RNF24: variants seen among roughly 807,000 people sequenced by gnomAD.
RNF24 encodes the protein ring finger protein 24.
RNF24 carries 14 observed loss-of-function variants against 20.0 expected under a neutral mutation model. That is an observed-to-expected ratio of 0.70 (90% CI 0.46 to 1.10). The LOEUF is 1.10. Ranked by LOEUF, RNF24 falls within the 50% of genes least tolerant of loss-of-function variation. RNF24 has a pLI of 0.00. For synonymous variants in RNF24, 45 were observed against 61.1 expected, an observed-to-expected ratio of 0.74 and a Z score of 1.23; for missense variants, 124 against 177.6, an observed-to-expected ratio of 0.70 and a Z score of 1.71.
intron 1 of RNF24, among the ~76,000 whole-genome samples, chr20:3,968,768 C>A (rs6116132): frequency 0.01 from 1,546 of 152,174 alleles, 17 homozygotes; most frequent in African/African-American, 0.035. Context: ...TGTCACTGAT[C>A]AGTAGAAAGA....
chr20:3,948,150 C>G lies in RNF24; in HGVS notation c.186+87G>C, dbSNP rs1409015452. 6.6e-6 allele frequency: 6 copies of G among 911,270 alleles called. No homozygotes were observed. The Admixed American group carries it at 1.2e-4, about 19-fold the overall frequency. The allele number at this position is 911,270 out of a possible 1,614,324, so 56.4% of individuals were successfully genotyped here. On this transcript the variant is annotated intron_variant, in intron 3 of 5. Transcript: ENST00000358395. ...AAAATGAACACAAGTAAATTCAGTC[C>G]CAGTTTAACGTATGAGTGGAAATCA...
At chr20:3,982,373 C>T (rs1043004335) in intron 1 of RNF24, among the ~76,000 whole-genome samples, 8 of 148,022 alleles carry the variant, frequency 5.4e-5, no homozygotes, top group South Asian at 2.2e-4. Context: ...GTCAGGAGTT[C>T]GAAAGCAGCC....
At position 3,964,490 on chromosome 20, in the gene RNF24, T is replaced by C. The variant is rs183144387; in HGVS notation, c.-7-466A>G. Reference sequence around the variant, plus strand: ...TGATTAATTATATAGTCATATGTTATAGTATTAAAGGGTCATGAAAACATT... The same window carrying C: ...TGATTAATTATATAGTCATATGTTACAGTATTAAAGGGTCATGAAAACATT... On this transcript the variant is annotated intron_variant, in intron 1 of 5. Coordinates refer to ENST00000358395, the MANE Select transcript of RNF24 (RefSeq NM_001134337.3). Among the ~76,000 whole-genome samples the C allele has an allele frequency of 1.2e-3, 177 of 152,230 alleles. 2 individuals carry two copies. Among genetic ancestry groups the C allele is most frequent in the African/African-American group, 3.9e-3 (160 of 41,540 alleles).
Position 3,948,209 on chromosome 20 carries a change from C to G in RNF24, c.186+28G>C, listed in dbSNP as rs777530334. 7.1e-6 allele frequency: 11 copies of G among 1,541,082 alleles called. No homozygotes were observed. The South Asian group carries it at 1.3e-4, about 19-fold the overall frequency. On this transcript the variant is annotated intron_variant, in intron 3 of 5. Coordinates refer to ENST00000358395, the MANE Select transcript of RNF24 (RefSeq NM_001134337.3). ...AGTTTTTTGGGGGGAAAAAAAAAATCAAAGCCAATCTGAATTAAATTTCTC... is the reference window on the plus strand; with the variant it reads ...AGTTTTTTGGGGGGAAAAAAAAAATGAAAGCCAATCTGAATTAAATTTCTC...
rs944142488 is a variant in RNF24, at chr20:3,927,839, C to G, written c.*6224G>C. ...GAGTTCCCCCAAAGCACAAACAAGT[C>G]TGCTGACACTGGTGGGGCCCTTACA... On this transcript the variant is annotated 3_prime_UTR_variant, in exon 6 of 6. Transcript: ENST00000358395. 5 of 152,388 alleles carry G rather than the reference C, an allele frequency of 3.3e-5. No homozygotes were observed. The highest frequency in any genetic ancestry group is 1.2e-4 in the African/African-American group (5 of 41,576). 9.4% of individuals were successfully genotyped at this position (152,388 alleles called of 1,614,324 possible).
At chr20:3,943,889 T>A (rs577107538) in intron 4 of RNF24, among the ~76,000 whole-genome samples, 1 of 152,096 alleles carries the variant, frequency 6.6e-6, no homozygotes, top group Non-Finnish European at 1.5e-5. Context: ...TGGCCATGTG[T>A]CAAAATTAAC....
chr20:3,969,528 T>A (rs1412335138), intron 1 of RNF24, among the ~76,000 whole-genome samples: 5 of 146,628 alleles, frequency 3.4e-5, no homozygotes, highest in Non-Finnish European at 7.5e-5. Context: ...AAAGCCCTAA[T>A]GAACGTGTTC....
intron 1 of RNF24, among the ~76,000 whole-genome samples, chr20:3,977,874 A>G (rs1239781510): frequency 6.6e-6 from 1 of 151,700 alleles, no homozygotes; most frequent in Non-Finnish European, 1.5e-5. Context: ...AAAAAAAAAA[A>G]AAAAAAAGGG....
intron 1 of RNF24, among the ~76,000 whole-genome samples, chr20:3,978,767 T>C (rs552082829): frequency 3.9e-4 from 60 of 152,156 alleles, no homozygotes; most frequent in African/African-American, 1.4e-3. Flanking sequence ...AATCTCCAAA[T>C]GAGATATAAC....
At chr20:3,964,669 C>T (rs566001306) in intron 1 of RNF24, among the ~76,000 whole-genome samples, 7 of 152,208 alleles carry the variant, frequency 4.6e-5, no homozygotes, top group South Asian at 4.1e-4. Context: ...ACTACAGGCG[C>T]GTGCCACCAC....
intron 1 of RNF24, among the ~76,000 whole-genome samples, chr20:3,997,248 A>G (rs987741529): frequency 1.4e-4 from 22 of 151,742 alleles, no homozygotes; most frequent in Middle Eastern, 3.4e-3. Flanking sequence ...AAAAAAAAAA[A>G]AAAGAAATAC....
intron 2 of RNF24, among the ~76,000 whole-genome samples, chr20:3,961,396 T>TG (rs2091200302): frequency 7.2e-6 from 1 of 139,262 alleles, no homozygotes; most frequent in Non-Finnish European, 1.6e-5. Flanking sequence ...GACACTATCT[T>TG]GAAAAAAAAA....
At chr20:3,972,986 T>A (rs574933598) in intron 1 of RNF24, among the ~76,000 whole-genome samples, 151 of 151,408 alleles carry the variant, frequency 1.0e-3, no homozygotes, top group Non-Finnish European at 1.8e-3. Context: ...GTGGATCACA[T>A]GAGGTTAGGA....
intron 2 of RNF24, among the ~76,000 whole-genome samples, chr20:3,951,385 C>T (rs1405660788): frequency 1.3e-5 from 2 of 152,072 alleles, no homozygotes; most frequent in African/African-American, 2.4e-5. Flanking sequence ...AGATAGTGTC[C>T]ACTGGGTTTC....
chr20:3,945,699 G>C, intron 3 of RNF24, among the ~76,000 whole-genome samples: 1 of 140,050 alleles, frequency 7.1e-6, no homozygotes. Context: ...TGGGCAACAA[G>C]AGCGAAACTC....
chr20:3,937,581 C>T (rs1600622784), intron 4 of RNF24, among the ~76,000 whole-genome samples: 1 of 124,868 alleles, frequency 8.0e-6, no homozygotes, highest in East Asian at 2.2e-4. Flanking sequence ...CCAAAACAAG[C>T]CCATATTCAT....
intron 1 of RNF24, among the ~76,000 whole-genome samples, chr20:4,008,393 T>TAATATATATATAATATATA (rs1555803330): frequency 4.3e-4 from 10 of 23,048 alleles, no homozygotes; most frequent in East Asian, 1.0e-3. Flanking sequence ...ATATATATTA[T>TAATATATATATAATATATA]ATATGTAATA....
intron 1 of RNF24, among the ~76,000 whole-genome samples, chr20:3,976,080 C>G (rs1258278193): frequency 6.6e-6 from 1 of 152,138 alleles, no homozygotes; most frequent in Admixed American, 6.6e-5. Context: ...AGCCACTATG[C>G]CTGGCCACCA....
At position 3,930,437 on chromosome 20, in the gene RNF24, C is replaced by T. The variant is rs1417735477; in HGVS notation, c.*3626G>A. On this transcript the variant is annotated 3_prime_UTR_variant, in exon 6 of 6. Coordinates refer to ENST00000358395, the MANE Select transcript of RNF24 (RefSeq NM_001134337.3). ...GTGGTATCAGCAGCCCCCATGACAC[C>T]AGGCCTGCTGCCTACCAGGCTCTGG... 2 of 152,192 alleles carry T rather than the reference C, an allele frequency of 1.3e-5. No homozygotes were observed. Among genetic ancestry groups the T allele is most frequent in the Non-Finnish European group, 2.9e-5 (2 of 68,060 alleles). The allele number at this position is 152,192 out of a possible 1,614,324, so 9.4% of individuals were successfully genotyped here.
Sources: gnomAD v4.1 joint callset for allele counts (sites outside exome capture counted in the v4.1 genomes callset) on GRCh38, gnomAD v4.1.1 for gene constraint, MANE v1.5 for transcripts, NCBI Gene and HGNC (gene_info 2026-07-23, HGNC 2026-07-21) for gene names.